Variants in OPCML observed in about 807,000 individuals in gnomAD.
The protein encoded by OPCML is opioid-binding protein/cell adhesion molecule.
A neutral mutation model predicts 37.8 loss-of-function variants in OPCML; 13 were observed. The ratio of observed to expected loss-of-function variants is 0.34; its 90% CI spans 0.22 to 0.55. The LOEUF (loss-of-function observed/expected upper bound fraction) is 0.55, where lower values mean the gene tolerates loss of function less well. OPCML is among the 20% of genes least tolerant of loss of function. The pLI is 0.91. For missense variants in OPCML, 341 were observed against 435.6 expected (o/e 0.78, Z 1.93); for synonymous variants, 176 against 168.8 (o/e 1.04, Z -0.33).
intron 1 of OPCML, chr11:133,068,249 G>C (rs957850522): frequency 2.6e-5 from 4 of 152,234 alleles, no homozygotes; most frequent in Admixed American, 6.5e-5. Context: ...ATTGGGAATA[G>C]AGCTTAGAAT....
chr11:133,129,037 C>T (rs1263899001), intron 1 of OPCML, among the ~76,000 whole-genome samples: 1 of 152,116 alleles, frequency 6.6e-6, no homozygotes, highest in African/African-American at 2.4e-5. Context: ...AAAGTAAACC[C>T]ACAGTTGTGA....
rs550125259 is a variant in OPCML, at chr11:132,493,962, T to G, written c.505+35099A>C. On this transcript the variant is annotated intron_variant, in intron 4 of 7. Transcript: ENST00000524381. ...GCTTGTTGTGGGAGCACGGGCAACCTCTGCTGGAGCTTCCTAAGAGCCATG... is the reference window on the plus strand; with the variant it reads ...GCTTGTTGTGGGAGCACGGGCAACCGCTGCTGGAGCTTCCTAAGAGCCATG... Among the ~76,000 whole-genome samples, 3 of 152,338 alleles carry G rather than the reference T, an allele frequency of 2.0e-5. No homozygotes were observed. In the South Asian group the frequency reaches 6.2e-4, roughly 32 times the overall value.
intron 1 of OPCML, among the ~76,000 whole-genome samples, chr11:133,133,356 G>T (rs1949634074): frequency 1.3e-5 from 2 of 152,116 alleles, no homozygotes; most frequent in Non-Finnish European, 2.9e-5. Flanking sequence ...AGCTGCCTTG[G>T]CTCCTTTGTT....
intron 1 of OPCML, chr11:133,420,866 G>C: frequency 1.0e-6 from 1 of 985,420 alleles, no homozygotes; most frequent in Non-Finnish European, 1.2e-6. Flanking sequence ...GCAGTTACAA[G>C]TTCCATTTAT....
chr11:132,868,296 ATTT>A (rs67534174), intron 2 of OPCML, among the ~76,000 whole-genome samples: 105 of 77,476 alleles, frequency 1.4e-3, no homozygotes, highest in African/African-American at 4.3e-3. Flanking sequence ...TGAGGCTGTG[ATTT>A]TTTTTTTTTT....
chr11:132,905,020 A>G (rs189297871), intron 2 of OPCML, among the ~76,000 whole-genome samples: 10 of 152,254 alleles, frequency 6.6e-5, no homozygotes, highest in Admixed American at 3.9e-4. Context: ...AACTTCAGCT[A>G]CTTCTTGGAC....
At chr11:132,699,600 C>T (rs571469480) in intron 2 of OPCML, among the ~76,000 whole-genome samples, 1 of 152,090 alleles carries the variant, frequency 6.6e-6, no homozygotes, top group South Asian at 2.1e-4. Context: ...TCTGTTGATA[C>T]GATCATATAA....
At chr11:132,599,387 AGG>A (rs1937682168) in intron 3 of OPCML, among the ~76,000 whole-genome samples, 2 of 94,140 alleles carry the variant, frequency 2.1e-5, no homozygotes, top group Non-Finnish European at 3.9e-5. Flanking sequence ...AGGAGGAAGA[AGG>A]AGGAAGAAGG....
At chr11:133,009,788 G>T (rs1395499) in intron 1 of OPCML, among the ~76,000 whole-genome samples, 126,709 of 152,110 alleles carry the variant, frequency 0.83, 53,219 homozygotes, top group African/African-American at 0.94. Flanking sequence ...GAGATGGGGC[G>T]CAGGCGGTAA....
intron 4 of OPCML, among the ~76,000 whole-genome samples, chr11:132,462,327 C>T: frequency 6.6e-6 from 1 of 152,146 alleles, no homozygotes. Context: ...CCATATCTCT[C>T]AGGATGTGTG....
rs191645290 is a variant in OPCML at position 133,375,198 on chromosome 11, C to T, written c.61+157066G>A. Among the ~76,000 whole-genome samples, 8 of 152,344 alleles carry T rather than the reference C, an allele frequency of 5.3e-5. No homozygotes were observed. The East Asian group carries it at 1.5e-3, about 29-fold the overall frequency. ...GAATTCTCATGACGTGCTAGATGTA[C>T]TACCGTCTCACAACACACAACACTT... On this transcript the variant is annotated intron_variant, in intron 1 of 7. Coordinates refer to ENST00000524381, the MANE Select transcript of OPCML (RefSeq NM_001012393.5).
intron 1 of OPCML, among the ~76,000 whole-genome samples, chr11:133,520,777 G>A (rs758475299): frequency 6.6e-6 from 1 of 152,146 alleles, no homozygotes; most frequent in East Asian, 1.9e-4. Context: ...TTGAGGCTCC[G>A]TGTTGGAGCT....
chr11:133,022,723 A>G (rs1320792019), intron 1 of OPCML, among the ~76,000 whole-genome samples: 1 of 152,184 alleles, frequency 6.6e-6, no homozygotes, highest in African/African-American at 2.4e-5. Flanking sequence ...ATGGAAAAAT[A>G]TCATCCGTGG....
At chr11:132,426,810 G>A in intron 7 of OPCML, among the ~76,000 whole-genome samples, 1 of 152,158 alleles carries the variant, frequency 6.6e-6, no homozygotes, top group East Asian at 1.9e-4. Context: ...ATAAGAACGG[G>A]GAATTTCAAG....
At chr11:132,753,760 A>G (rs1012757758) in intron 2 of OPCML, among the ~76,000 whole-genome samples, 8 of 152,218 alleles carry the variant, frequency 5.3e-5, no homozygotes, top group African/African-American at 1.9e-4. Flanking sequence ...AGAGGACTCA[A>G]ATAATCTATT....
chr11:133,393,677 C>A (rs1458479325), intron 1 of OPCML, among the ~76,000 whole-genome samples: 1 of 152,182 alleles, frequency 6.6e-6, no homozygotes, highest in Non-Finnish European at 1.5e-5. Flanking sequence ...ATCCCTCATC[C>A]AGGAGAAGGG....
chr11:132,901,679 G>A (rs1239607849), intron 2 of OPCML, among the ~76,000 whole-genome samples: 1 of 152,176 alleles, frequency 6.6e-6, no homozygotes, highest in Non-Finnish European at 1.5e-5. Context: ...GATGGGCACG[G>A]TGCGTCCTCA....
chr11:133,095,627 G>A (rs1948988740), intron 1 of OPCML, among the ~76,000 whole-genome samples: 1 of 146,218 alleles, frequency 6.8e-6, no homozygotes, highest in South Asian at 2.3e-4. Context: ...TACTGATACA[G>A]TAGTCATGAA....
At chr11:133,199,774 T>A (rs926448667) in intron 1 of OPCML, among the ~76,000 whole-genome samples, 2 of 152,198 alleles carry the variant, frequency 1.3e-5, no homozygotes, top group South Asian at 4.1e-4. Context: ...AGTTTACCAT[T>A]GCTTGTCTTT....
Sources: allele counts gnomAD v4.1 joint callset (sites outside exome capture counted in the v4.1 genomes callset), GRCh38; gene constraint gnomAD v4.1.1; transcripts MANE v1.5; gene names NCBI Gene and HGNC (gene_info 2026-07-23, HGNC 2026-07-21).